INPP5A: variants seen among roughly 807,000 people sequenced by gnomAD.
INPP5A encodes the protein 43 kDa inositol polyphosphate 5-phophatase.
INPP5A carries 14 observed loss-of-function variants against 65.2 expected under a neutral mutation model. The ratio of observed to expected loss-of-function variants is 0.21; its 90% CI spans 0.14 to 0.34. The LOEUF (loss-of-function observed/expected upper bound fraction) is 0.34, where lower values mean the gene tolerates loss of function less well. Among genes scored for constraint, INPP5A ranks in the 10% least tolerant of loss-of-function variants. INPP5A has a pLI of 1.00. For missense variants in INPP5A, 431 were observed against 545.6 expected, an observed-to-expected ratio of 0.79 and a Z score of 2.09; for synonymous variants, 207 against 208.3, an observed-to-expected ratio of 0.99 and a Z score of 0.05.
At chr10:132,744,033 TTAAGGGCCAG>T (rs1846324422) in intron 9 of INPP5A, among the ~76,000 whole-genome samples, 2 of 152,224 alleles carry the variant, frequency 1.3e-5, no homozygotes, top group African/African-American at 4.8e-5. Context: ...CTTGCGACAC[TTAAGGGCCAG>T]GCTGGACGGG....
In INPP5A at chr10:132,749,824, C is replaced by G. The variant is rs762870795; in HGVS notation, c.882C>G (p.Phe294Leu). Residue 294 changes from phenylalanine to leucine, a missense_variant, in exon 11 of 16, where the codon TTC becomes TTG. Transcript: ENST00000368594. ...TCGACTACTTCAACCAGGAGGTTTT[C>G]CGAGACAACAACGGCACCGCGGTGA... ...KLFDYFNQEV[F>L]RDNNGTALLE... 1 of 1,613,258 alleles carries G rather than the reference C, an allele frequency of 6.2e-7. No individual in the cohort carries two copies. Among genetic ancestry groups the G allele is most frequent in the South Asian group, 1.1e-5 (1 of 91,090 alleles).
Position 132,575,472 on chromosome 10 carries a change from C to T in INPP5A, c.76-32443C>T, listed in dbSNP as rs2071402476. ...CGTCACTGTCAGTCTGGTTAAACAT[C>T]ATAAAATTAGTAACCAAACCGATCT... On this transcript the variant is annotated intron_variant, in intron 1 of 15. Coordinates refer to ENST00000368594, the MANE Select transcript of INPP5A (RefSeq NM_005539.5). This position sits in a 1 kb window ranked among gnomAD's most constrained non-coding sequence, Gnocchi z 5.4. Among the ~76,000 whole-genome samples, 1 of 152,128 alleles carries T rather than the reference C, an allele frequency of 6.6e-6. No homozygotes were observed. Among genetic ancestry groups the T allele is most frequent in the Non-Finnish European group, 1.5e-5 (1 of 68,024 alleles).
intron 2 of INPP5A, among the ~76,000 whole-genome samples, chr10:132,642,857 A>G (rs1032127995): frequency 2.6e-5 from 4 of 152,004 alleles, no homozygotes; most frequent in Non-Finnish European, 5.9e-5. Flanking sequence ...ACATGTCATA[A>G]CTCTTCATCA....
At position 132,637,286 on chromosome 10, in the gene INPP5A, T is replaced by A. The variant is rs183422723; in HGVS notation, c.118-8582T>A. On this transcript the variant is annotated intron_variant, in intron 2 of 15. Coordinates refer to ENST00000368594, the MANE Select transcript of INPP5A (RefSeq NM_005539.5). The surrounding 1 kb of genome is among the most constrained non-coding windows in gnomAD (Gnocchi z 4.1). ...TTATCTTTGAAATCTTGGAGTTGAT[T>A]ACTTTGGGTTAATTTTCTGAAGTAT... Among the ~76,000 whole-genome samples the A allele has an allele frequency of 2.6e-5, 4 of 152,358 alleles. No homozygotes were observed. The highest frequency in any genetic ancestry group is 3.4e-3 in the Middle Eastern group (1 of 294).
At chr10:132,580,847 C>T (rs928152690) in intron 1 of INPP5A, among the ~76,000 whole-genome samples, 2 of 152,216 alleles carry the variant, frequency 1.3e-5, no homozygotes, top group Admixed American at 6.5e-5. Context: ...CCCCCAAATG[C>T]TTCTGTGTGA....
chr10:132,774,821 GA>G (rs1479878231), intron 12 of INPP5A, among the ~76,000 whole-genome samples: 2 of 134,062 alleles, frequency 1.5e-5, no homozygotes, highest in African/African-American at 5.7e-5. Flanking sequence ...AGGGAGGAGA[GA>G]GGGGCACGGA....
rs1237448741 is a variant in INPP5A at position 132,674,524 on chromosome 10, T to G, written c.307-15868T>G. Among the ~76,000 whole-genome samples, 1 of 152,172 alleles carries G rather than the reference T, an allele frequency of 6.6e-6. No individual in the cohort carries two copies. The highest frequency in any genetic ancestry group is 1.9e-4 in the East Asian group (1 of 5,194). ...CCTCTGTCAGCTGATCATAGGGAAC[T>G]TCCCATGAGGCCATCGGTGCAGGCT... On this transcript the variant is annotated intron_variant, in intron 4 of 15. Transcript: ENST00000368594. The surrounding 1 kb of genome is among the most constrained non-coding windows in gnomAD (Gnocchi z 4.4).
At chr10:132,630,546 T>TGTCCATGAGGGGAAGAC (rs2133372710) in intron 2 of INPP5A, among the ~76,000 whole-genome samples, 1 of 113,408 alleles carries the variant, frequency 8.8e-6, no homozygotes, top group African/African-American at 3.3e-5. Flanking sequence ...GAGGGAAAGA[T>TGTCCATGAGGGGAAGAC]GTCCATGAGG....
intron 11 of INPP5A, among the ~76,000 whole-genome samples, chr10:132,759,984 G>A (rs1448747742): frequency 3.3e-5 from 5 of 152,210 alleles, no homozygotes; most frequent in African/African-American, 7.2e-5. Context: ...ACGCAGCACC[G>A]TGCTCACAGA....
At chr10:132,696,105 C>T (rs1845339705) in intron 5 of INPP5A, among the ~76,000 whole-genome samples, 1 of 152,224 alleles carries the variant, frequency 6.6e-6, no homozygotes, top group African/African-American at 2.4e-5. Context: ...TGAGGAACCT[C>T]ATCTCCTAGC....
At position 132,726,755 on chromosome 10, in the gene INPP5A, C is replaced by T. The variant is rs541695014; in HGVS notation, c.648-66C>T. ...GCGGATGGGGAGCGTGGAGGAGCAC[C>T]GGGGCCGGGCATGAGGGCTGGCCGG... On this transcript the variant is annotated intron_variant, in intron 8 of 15. Coordinates refer to ENST00000368594, the MANE Select transcript of INPP5A (RefSeq NM_005539.5). 4.0e-5 allele frequency: 45 copies of T among 1,127,212 alleles called. 1 individual carries two copies. In the South Asian group the frequency reaches 4.6e-4, roughly 12 times the overall value. The allele number at this position is 1,127,212 out of a possible 1,614,324, so 69.8% of individuals were successfully genotyped here.
chr10:132,774,507 T>C (rs945947848), intron 12 of INPP5A, among the ~76,000 whole-genome samples: 8 of 152,218 alleles, frequency 5.3e-5, no homozygotes, highest in Non-Finnish European at 8.8e-5. Context: ...TCACTTGTGG[T>C]TCAGGGCGGC....
At chr10:132,749,080 G>A (rs1368425247) in intron 9 of INPP5A, among the ~76,000 whole-genome samples, 1 of 152,246 alleles carries the variant, frequency 6.6e-6, no homozygotes, top group African/African-American at 2.4e-5. Context: ...CGGTCAAGCC[G>A]CCTGCAGCCC....
intron 1 of INPP5A, among the ~76,000 whole-genome samples, chr10:132,593,361 A>G (rs2071643759): frequency 6.6e-6 from 1 of 152,178 alleles, no homozygotes; most frequent in South Asian, 2.1e-4. Context: ...TTTATGACAA[A>G]TGGTTGTTGA....
intron 2 of INPP5A, among the ~76,000 whole-genome samples, chr10:132,634,746 C>T (rs190640314): frequency 2.6e-5 from 4 of 152,342 alleles, no homozygotes; most frequent in Admixed American, 1.3e-4. Context: ...TGTTCTTCTT[C>T]GTCTCCTGGA....
chr10:132,747,023 C>G (rs1379074914), intron 9 of INPP5A, among the ~76,000 whole-genome samples: 1 of 152,242 alleles, frequency 6.6e-6, no homozygotes, highest in Non-Finnish European at 1.5e-5. Context: ...CTTTGGGAGC[C>G]TGCCTGAAGT....
intron 1 of INPP5A, among the ~76,000 whole-genome samples, chr10:132,572,992 A>G (rs1049215632): frequency 7.3e-5 from 11 of 149,734 alleles, no homozygotes; most frequent in African/African-American, 2.5e-4. Context: ...TTTTGTTGAG[A>G]TGTTGGGGTG....
At chr10:132,717,937 C>T (rs1347234008) in intron 8 of INPP5A, among the ~76,000 whole-genome samples, 5 of 135,220 alleles carry the variant, frequency 3.7e-5, no homozygotes, top group African/African-American at 8.8e-5. Flanking sequence ...GCACCTTAGA[C>T]GGCTGTCTTG....
chr10:132,561,624 G>A (rs932190757), intron 1 of INPP5A, among the ~76,000 whole-genome samples: 3 of 152,144 alleles, frequency 2.0e-5, no homozygotes, highest in Admixed American at 6.5e-5. Context: ...AAATCAGAAA[G>A]TGAGAGTTCC....
Sources: gnomAD v4.1 joint callset for allele counts (sites outside exome capture counted in the v4.1 genomes callset) on GRCh38, gnomAD v4.1.1 for gene constraint, Gnocchi (gnomAD v3.1) non-coding constraint, MANE v1.5 for transcripts, NCBI Gene and HGNC (gene_info 2026-07-23, HGNC 2026-07-21) for gene names.